Variants in MAF observed in about 807,000 individuals in gnomAD.
The protein encoded by MAF is MAF bZIP transcription factor.
MAF carries 10 observed loss-of-function variants against 22.0 expected under a neutral mutation model. That is an observed-to-expected ratio of 0.45 (90% CI 0.28 to 0.77). The LOEUF (loss-of-function observed/expected upper bound fraction) is 0.77, where lower values mean the gene tolerates loss of function less well. MAF is among the 30% of genes least tolerant of loss of function. The pLI, the probability that MAF is intolerant of heterozygous loss-of-function variation, is 0.12. For synonymous variants in MAF, 337 were observed against 255.8 expected (o/e 1.32, Z -3.03); for missense variants, 544 against 548.4 (o/e 0.99, Z 0.08).
the MAF span, among the ~76,000 whole-genome samples, chr16:79,330,922 T>TAA: frequency 6.6e-6 from 1 of 152,200 alleles, no homozygotes; most frequent in Non-Finnish European, 1.5e-5. Flanking sequence ...GCCACCTTCC[T>TAA]TATTGGACAA....
chr16:79,214,871 T>C, the MAF span, among the ~76,000 whole-genome samples: 1 of 151,580 alleles, frequency 6.6e-6, no homozygotes, highest in African/African-American at 2.4e-5. Flanking sequence ...CAACCACACC[T>C]GGCTAATCTT....
chr16:79,217,990 A>G, the MAF span, among the ~76,000 whole-genome samples: 3 of 19,966 alleles, frequency 1.5e-4, no homozygotes, highest in Non-Finnish European at 1.4e-4. Flanking sequence ...CTTATGTAAA[A>G]AAAAAAAAAA....
the MAF span, among the ~76,000 whole-genome samples, chr16:79,483,671 G>A: frequency 1.3e-5 from 2 of 152,268 alleles, no homozygotes; most frequent in East Asian, 3.9e-4. Context: ...TGCTAGAAGA[G>A]GGAGGTTAAG....
the MAF span, among the ~76,000 whole-genome samples, chr16:79,211,180 T>A: frequency 4.6e-5 from 7 of 151,682 alleles, no homozygotes; most frequent in Non-Finnish European, 8.8e-5. Flanking sequence ...CAATTAAGAG[T>A]GGTTGGTTTG....
chr16:79,422,237 T>C, the MAF span, among the ~76,000 whole-genome samples: 1 of 152,246 alleles, frequency 6.6e-6, no homozygotes, highest in African/African-American at 2.4e-5. Flanking sequence ...AAGAACCTTA[T>C]TCAGCATATT....
At chr16:79,502,722 T>TATATAAATATAA in the MAF span, among the ~76,000 whole-genome samples, 1,997 of 36,566 alleles carry the variant, frequency 0.055, 86 homozygotes, top group South Asian at 0.15. Context: ...TATATATATA[T>TATATAAATATAA]ATATATATAT....
the MAF span, among the ~76,000 whole-genome samples, chr16:79,251,937 A>C: frequency 6.6e-6 from 1 of 152,270 alleles, no homozygotes; most frequent in Non-Finnish European, 1.5e-5. Flanking sequence ...CCCTTTCTTC[A>C]AATGAAATAT....
the MAF span, among the ~76,000 whole-genome samples, chr16:79,433,668 G>A: frequency 6.6e-6 from 1 of 152,130 alleles, no homozygotes; most frequent in African/African-American, 2.4e-5. Flanking sequence ...GCTCAAACTT[G>A]TTACTGTTCT....
chr16:79,361,216 G>A, the MAF span, among the ~76,000 whole-genome samples: 1 of 152,136 alleles, frequency 6.6e-6, no homozygotes, highest in Non-Finnish European at 1.5e-5. Context: ...CCTCTCTGTT[G>A]TCCCCTCATT....
the MAF span, among the ~76,000 whole-genome samples, chr16:79,421,863 C>T: frequency 1.6e-4 from 25 of 152,142 alleles, no homozygotes; most frequent in Non-Finnish European, 1.9e-4. Flanking sequence ...CTGCAGCCCC[C>T]GCCTCCCAGG....
the MAF span, among the ~76,000 whole-genome samples, chr16:79,281,853 C>T: frequency 6.6e-6 from 1 of 152,152 alleles, no homozygotes; most frequent in African/African-American, 2.4e-5. Context: ...CTACAGCACA[C>T]ACTCTCCCCT....
At chr16:79,254,455 TTATCAA>T in the MAF span, among the ~76,000 whole-genome samples, 2 of 152,242 alleles carry the variant, frequency 1.3e-5, no homozygotes, top group Non-Finnish European at 2.9e-5. Context: ...ATTTTTACCA[TTATCAA>T]TAATACTCCA....
chr16:79,438,071 A>C, the MAF span, among the ~76,000 whole-genome samples: 1 of 152,004 alleles, frequency 6.6e-6, no homozygotes, highest in Admixed American at 6.6e-5. Flanking sequence ...TAGAGACGCC[A>C]GGTCTGAGCA....
At chr16:79,570,011 C>CTT in the MAF span, among the ~76,000 whole-genome samples, 777 of 116,910 alleles carry the variant, frequency 6.6e-3, 7 homozygotes, top group African/African-American at 0.023. Context: ...TGTCTTTGTT[C>CTT]TTTTTTTTTT....
At chr16:79,243,831 A>G in the MAF span, among the ~76,000 whole-genome samples, 1 of 152,120 alleles carries the variant, frequency 6.6e-6, no homozygotes, top group Admixed American at 6.6e-5. Flanking sequence ...AATACTGGCA[A>G]ACCGAATCCA....
the MAF span, among the ~76,000 whole-genome samples, chr16:79,210,348 C>G: frequency 2.0e-5 from 3 of 152,160 alleles, no homozygotes; most frequent in Non-Finnish European, 2.9e-5. Context: ...CCCAGGGATC[C>G]TAGAATGCAA....
At chr16:79,573,294 G>C in the MAF span, among the ~76,000 whole-genome samples, 4 of 152,204 alleles carry the variant, frequency 2.6e-5, no homozygotes, top group African/African-American at 9.7e-5. Flanking sequence ...AACTTACCGA[G>C]CCTTTGCTTT....
At chr16:79,296,876 G>A in the MAF span, among the ~76,000 whole-genome samples, 10 of 152,168 alleles carry the variant, frequency 6.6e-5, no homozygotes, top group African/African-American at 2.2e-4. Flanking sequence ...TGAGCTTGTC[G>A]TTCATTTGCT....
chr16:79,236,354 A>T, the MAF span, among the ~76,000 whole-genome samples: 3,849 of 151,768 alleles, frequency 0.025, 150 homozygotes, highest in African/African-American at 0.089. Context: ...AGGCTCATTG[A>T]GGGGAGCTCC....
Sources: allele counts gnomAD v4.1 joint callset (sites outside exome capture counted in the v4.1 genomes callset), GRCh38; gene constraint gnomAD v4.1.1; transcripts MANE v1.5; gene names NCBI Gene and HGNC (gene_info 2026-07-23, HGNC 2026-07-21).